Variants in PSD2 observed in about 807,000 individuals in gnomAD.
PSD2 encodes pleckstrin and Sec7 domain containing 2, also known as PH and SEC7 domain-containing protein 2.
Under a neutral mutation model 69.8 loss-of-function variants are expected in PSD2, and 38 were observed. The observed-to-expected ratio is 0.54, with a 90% CI of 0.42 to 0.71. PSD2 has a LOEUF of 0.71. Ranked by LOEUF, PSD2 falls within the 30% of genes least tolerant of loss-of-function variation. The probability of loss-of-function intolerance (pLI) is 0.00; values close to 1 mark genes in which losing one functional copy is unlikely to be tolerated. For missense variants in PSD2, 943 were observed against 1,014.5 expected, an observed-to-expected ratio of 0.93 and a Z score of 0.96; for synonymous variants, 412 against 423.0, an observed-to-expected ratio of 0.97 and a Z score of 0.32.
intron 7 of PSD2, among the ~76,000 whole-genome samples, chr5:139,830,319 G>T (rs950829535): frequency 3.4e-5 from 5 of 145,682 alleles, no homozygotes; most frequent in Non-Finnish European, 7.6e-5. Context: ...CACTCTGTGG[G>T]TTGTTTTTCA....
chr5:139,788,078 C>T, the PSD2 span, among the ~76,000 whole-genome samples: 2 of 152,318 alleles, frequency 1.3e-5, no homozygotes, highest in East Asian at 1.9e-4. Flanking sequence ...CGGGGCTGCG[C>T]TTCGCGGAAG....
chr5:139,828,190 C>G (rs905123176), intron 7 of PSD2, among the ~76,000 whole-genome samples: 2 of 151,256 alleles, frequency 1.3e-5, no homozygotes, highest in Non-Finnish European at 2.9e-5. Flanking sequence ...AGAGAAATTC[C>G]AGAGGTATTT....
upstream of PSD2, among the ~76,000 whole-genome samples, chr5:139,792,773 T>TCCTTCCTCCCTCCCTC (rs1561587694): frequency 6.6e-6 from 1 of 151,234 alleles, no homozygotes; most frequent in Non-Finnish European, 1.5e-5. Context: ...CTCCCTTCCT[T>TCCTTCCTCCCTCCCTC]CCTTCCTCCC....
Position 139,826,790 on chromosome 5 carries a change from A to C in PSD2, c.1269+4006A>C, listed in dbSNP as rs77393081. On this transcript the variant is annotated intron_variant, in intron 7 of 14. Coordinates refer to ENST00000274710, the MANE Select transcript of PSD2 (RefSeq NM_032289.4). ...TTAAGAGGTGATCTAATTTCTTGTC[A>C]TTTTCTTCTGACAGTGATGTCAGCC... 8.2e-3 allele frequency among the ~76,000 whole-genome samples: 1,249 copies of C among 152,182 alleles called. 11 individuals are homozygous for C. The highest frequency in any genetic ancestry group is 0.028 in the African/African-American group (1,176 of 41,514).
At chr5:139,759,337 G>C in the PSD2 span, among the ~76,000 whole-genome samples, 1 of 151,878 alleles carries the variant, frequency 6.6e-6, no homozygotes, top group Non-Finnish European at 1.5e-5. Context: ...TCTGCTTGGC[G>C]GCGCCTCGTT....
chr5:139,842,548 G>A lies in PSD2; in HGVS notation c.*74G>A, dbSNP rs141295954. 2.3e-4 allele frequency: 320 copies of A among 1,405,754 alleles called. 1 individual carries two copies. The African/African-American group carries it at 4.1e-3, about 18-fold the overall frequency. The allele number at this position is 1,405,754 out of a possible 1,614,324, so 87.1% of individuals were successfully genotyped here. A position where few individuals can be genotyped will look rare whatever the true frequency, so the allele number is the denominator to read the frequency against. On this transcript the variant is annotated 3_prime_UTR_variant, in exon 15 of 15. Transcript: ENST00000274710. ...TCAGTGAGCACAATTCCAGCCAGGG[G>A]CCACTTGGACCAAGCTCCAGTCAGT...
the PSD2 span, among the ~76,000 whole-genome samples, chr5:139,774,841 G>A: frequency 2.0e-5 from 3 of 152,206 alleles, no homozygotes; most frequent in African/African-American, 7.2e-5. Context: ...TTTCCTCGGG[G>A]TCCGCAGGGC....
Position 139,839,871 on chromosome 5 carries a change from C to A in PSD2, c.1969-156C>A, listed in dbSNP as rs747048230. Reference sequence around the variant, plus strand: ...GAAGGGAGGTGGGAGGAAGAGCATGCCCTCAGGTCCAGAGTCTGGCTCTGT... The same window carrying A: ...GAAGGGAGGTGGGAGGAAGAGCATGACCTCAGGTCCAGAGTCTGGCTCTGT... On this transcript the variant is annotated intron_variant, in intron 13 of 14. Coordinates refer to ENST00000274710, the MANE Select transcript of PSD2 (RefSeq NM_032289.4). The surrounding 1 kb of genome is among the most constrained non-coding windows in gnomAD (Gnocchi z 5.1). Among the ~76,000 whole-genome samples, 2 of 152,166 alleles carry A rather than the reference C, an allele frequency of 1.3e-5. No individual in the cohort carries two copies. Among genetic ancestry groups the A allele is most frequent in the African/African-American group, 2.4e-5 (1 of 41,434 alleles).
At chr5:139,829,413 G>A (rs73793052) in intron 7 of PSD2, among the ~76,000 whole-genome samples, 2,806 of 152,298 alleles carry the variant, frequency 0.018, 51 homozygotes, top group African/African-American at 0.05. Flanking sequence ...ACAATGGTGT[G>A]CAATCGTTGC....
At chr5:139,780,359 C>T in the PSD2 span, among the ~76,000 whole-genome samples, 6 of 152,324 alleles carry the variant, frequency 3.9e-5, no homozygotes, top group South Asian at 1.2e-3. Flanking sequence ...ACCAGCTCTC[C>T]GTGACCCTGA....
chr5:139,763,971 T>C, the PSD2 span, among the ~76,000 whole-genome samples: 15 of 152,178 alleles, frequency 9.9e-5, no homozygotes, highest in Non-Finnish European at 1.8e-4. Flanking sequence ...CAAGATCCAA[T>C]TGGGAAGTCC....
At chr5:139,784,694 C>T in the PSD2 span, among the ~76,000 whole-genome samples, 1 of 152,162 alleles carries the variant, frequency 6.6e-6, no homozygotes, top group African/African-American at 2.4e-5. Flanking sequence ...CACCCCAGGG[C>T]CTTTGCACTG....
the PSD2 span, among the ~76,000 whole-genome samples, chr5:139,749,840 A>G: frequency 2.7e-5 from 3 of 110,792 alleles, no homozygotes; most frequent in Non-Finnish European, 5.8e-5. Flanking sequence ...TACAAAACAA[A>G]CAAACAAACA....
At chr5:139,774,000 G>A in the PSD2 span, among the ~76,000 whole-genome samples, 2 of 142,786 alleles carry the variant, frequency 1.4e-5, no homozygotes, top group African/African-American at 5.2e-5. Flanking sequence ...GAGGGACATT[G>A]TCCCTCAATG....
intron 1 of PSD2, among the ~76,000 whole-genome samples, chr5:139,796,580 C>CGGCT (rs908841070): frequency 1.9e-4 from 29 of 152,310 alleles, no homozygotes; most frequent in African/African-American, 7.0e-4. Flanking sequence ...ATGGCCGAGG[C>CGGCT]GGCAGCGGGA....
At chr5:139,764,507 C>T in the PSD2 span, among the ~76,000 whole-genome samples, 1 of 152,158 alleles carries the variant, frequency 6.6e-6, no homozygotes, top group African/African-American at 2.4e-5. Flanking sequence ...CCCTGGGGTC[C>T]CCGCCGAGCG....
upstream of PSD2, among the ~76,000 whole-genome samples, chr5:139,795,226 C>T (rs1336298206): frequency 2.0e-5 from 3 of 152,124 alleles, no homozygotes; most frequent in Admixed American, 6.5e-5. The surrounding 1 kb of genome is among the most constrained non-coding windows in gnomAD (Gnocchi z 4.5). Flanking sequence ...CCCAGGTCTC[C>T]GTCCCGTCCC....
upstream of PSD2, among the ~76,000 whole-genome samples, chr5:139,791,885 A>G (rs1759421430): frequency 6.6e-6 from 1 of 152,246 alleles, no homozygotes; most frequent in Non-Finnish European, 1.5e-5. Flanking sequence ...AGAGACAGGA[A>G]TTAGAGACAG....
the PSD2 span, among the ~76,000 whole-genome samples, chr5:139,768,985 G>A: frequency 1.3e-5 from 2 of 152,160 alleles, no homozygotes; most frequent in East Asian, 1.9e-4. Flanking sequence ...TGGGGCTATT[G>A]CCCTGAACAG....
Sources: allele counts gnomAD v4.1 joint callset (sites outside exome capture counted in the v4.1 genomes callset), GRCh38; gene constraint gnomAD v4.1.1; non-coding constraint Gnocchi (gnomAD v3.1); transcripts MANE v1.5; gene names NCBI Gene and HGNC (gene_info 2026-07-23, HGNC 2026-07-21).